Variants in PRKAG2 observed in about 807,000 individuals in gnomAD.
PRKAG2 encodes protein kinase AMP-activated non-catalytic subunit gamma 2.
In PRKAG2, 26 loss-of-function variants were observed where a neutral mutation model predicts 69.6. That is an observed-to-expected ratio of 0.37 (90% CI 0.27 to 0.52). The LOEUF (loss-of-function observed/expected upper bound fraction) is 0.52, where lower values mean the gene tolerates loss of function less well. Among genes scored for constraint, PRKAG2 ranks in the 20% least tolerant of loss-of-function variants. The pLI, the probability that PRKAG2 is intolerant of heterozygous loss-of-function variation, is 0.90. For synonymous variants in PRKAG2, 293 were observed against 285.0 expected, an observed-to-expected ratio of 1.03 and a Z score of -0.28; for missense variants, 557 against 740.0, an observed-to-expected ratio of 0.75 and a Z score of 2.87.
At chr7:151,642,476 C>T (rs1826904290) in intron 4 of PRKAG2, among the ~76,000 whole-genome samples, 1 of 152,178 alleles carries the variant, frequency 6.6e-6, no homozygotes, top group South Asian at 2.1e-4. Flanking sequence ...CTGCAGTGAG[C>T]TGTGATCACA....
At chr7:151,786,334 C>T (rs535541341) in intron 2 of PRKAG2, 136 bp downstream of exon 2, 102 of 854,706 alleles carry the variant, frequency 1.2e-4, no homozygotes, top group East Asian at 6.4e-4. Flanking sequence ...AGGATGGGCT[C>T]GGTTACGGCC....
intron 15 of PRKAG2, chr7:151,559,235 T>C (rs557812771): frequency 1.0e-6 from 1 of 975,424 alleles, no homozygotes; most frequent in Admixed American, 6.1e-5. Flanking sequence ...TACTGTTCGT[T>C]TTCAATCCTG....
At chr7:151,772,980 T>TGAAAGAAAGAAAGAAA in intron 3 of PRKAG2, among the ~76,000 whole-genome samples, 2 of 108,724 alleles carry the variant, frequency 1.8e-5, no homozygotes, top group South Asian at 3.5e-4. Context: ...TGTCTCTAAA[T>TGAAAGAAAGAAAGAAA]GAATGAAAGA....
chr7:151,580,933 T>A (rs1039419900), intron 6 of PRKAG2, among the ~76,000 whole-genome samples: 1 of 152,152 alleles, frequency 6.6e-6, no homozygotes, highest in African/African-American at 2.4e-5. Context: ...ATTGTACATT[T>A]AAAAATAACC....
chr7:151,663,284 CAGAGTGT>C (rs1830582884), intron 4 of PRKAG2, among the ~76,000 whole-genome samples: 9 of 152,288 alleles, frequency 5.9e-5, no homozygotes, highest in Admixed American at 5.2e-4. Context: ...AGCCCAAAAG[CAGAGTGT>C]GTAATTCTAT....
intron 5 of PRKAG2, among the ~76,000 whole-genome samples, chr7:151,615,176 C>T (rs1819800241): frequency 6.6e-6 from 1 of 152,200 alleles, no homozygotes; most frequent in South Asian, 2.1e-4. Context: ...TGGCTTCCAG[C>T]TCCACCCATG....
At chr7:151,678,161 T>C (rs1833252386) in intron 3 of PRKAG2, among the ~76,000 whole-genome samples, 1 of 152,164 alleles carries the variant, frequency 6.6e-6, no homozygotes. Context: ...ACCAAACTCA[T>C]AAAGCCTTTT....
chr7:151,841,927 T>C (rs897105960), intron 1 of PRKAG2, among the ~76,000 whole-genome samples: 1 of 147,634 alleles, frequency 6.8e-6, no homozygotes, highest in South Asian at 2.2e-4. Flanking sequence ...TAGGTAGTCA[T>C]GGTAGTGTTG....
chr7:151,806,003 A>T (rs1391590317), intron 1 of PRKAG2, among the ~76,000 whole-genome samples: 1 of 152,242 alleles, frequency 6.6e-6, no homozygotes, highest in African/African-American at 2.4e-5. Flanking sequence ...GTTCTAGACC[A>T]GCCTGGCCAA....
chr7:151,703,158 T>C (rs965303036), intron 3 of PRKAG2, among the ~76,000 whole-genome samples: 1 of 152,132 alleles, frequency 6.6e-6, no homozygotes, highest in Admixed American at 6.6e-5. Flanking sequence ...TTCAAGGCCA[T>C]GATGGCTTCT....
At chr7:151,775,847 G>A (rs776948854) in intron 3 of PRKAG2, among the ~76,000 whole-genome samples, 5 of 152,172 alleles carry the variant, frequency 3.3e-5, no homozygotes, top group Non-Finnish European at 5.9e-5. Context: ...CAGATGGGCC[G>A]ATGGCATTAC....
At chr7:151,601,019 G>A (rs1216870117) in intron 5 of PRKAG2, among the ~76,000 whole-genome samples, 1 of 152,124 alleles carries the variant, frequency 6.6e-6, no homozygotes, top group Non-Finnish European at 1.5e-5. Flanking sequence ...TTGAAGCTCT[G>A]TCCCAGGCTC....
chr7:151,662,792 A>G (rs1260820301), intron 4 of PRKAG2, among the ~76,000 whole-genome samples: 1 of 152,104 alleles, frequency 6.6e-6, no homozygotes, highest in African/African-American at 2.4e-5. Context: ...AATCCCAGCT[A>G]CTTAGGAGGC....
intron 1 of PRKAG2, among the ~76,000 whole-genome samples, chr7:151,840,367 A>C (rs1211711250): frequency 6.6e-6 from 1 of 152,154 alleles, no homozygotes; most frequent in Non-Finnish European, 1.5e-5. Flanking sequence ...AAGGGCCCTC[A>C]CCATGCACCA....
intron 1 of PRKAG2, among the ~76,000 whole-genome samples, chr7:151,789,632 G>T (rs914102346): frequency 2.0e-5 from 3 of 152,228 alleles, no homozygotes; most frequent in Admixed American, 6.5e-5. Context: ...AGACACGCCA[G>T]TGAGATCTCA....
chr7:151,764,977 A>C (rs1010201144), intron 3 of PRKAG2, among the ~76,000 whole-genome samples: 5 of 152,164 alleles, frequency 3.3e-5, no homozygotes, highest in African/African-American at 1.2e-4. Flanking sequence ...TTTCCTGGAC[A>C]TTTGCTGTGT....
intron 1 of PRKAG2, among the ~76,000 whole-genome samples, chr7:151,825,525 C>A (rs1008490955): frequency 2.0e-5 from 3 of 152,184 alleles, no homozygotes; most frequent in African/African-American, 7.2e-5. Context: ...ATGCACTGGC[C>A]GCTCCCCATG....
chr7:151,626,179 C>G (rs181414848), intron 5 of PRKAG2, among the ~76,000 whole-genome samples: 1 of 152,168 alleles, frequency 6.6e-6, no homozygotes, highest in Non-Finnish European at 1.5e-5. Context: ...AGACTGGTGA[C>G]GAGTCCCACT....
intron 6 of PRKAG2, among the ~76,000 whole-genome samples, chr7:151,589,769 A>G (rs1340207663): frequency 1.3e-5 from 2 of 152,106 alleles, no homozygotes; most frequent in African/African-American, 4.8e-5. Flanking sequence ...CCCCATCTCT[A>G]CTAAAAATAC....
Sources: gnomAD v4.1 joint callset for allele counts (sites outside exome capture counted in the v4.1 genomes callset) on GRCh38, gnomAD v4.1.1 for gene constraint, MANE v1.5 for transcripts, NCBI Gene and HGNC (gene_info 2026-07-23, HGNC 2026-07-21) for gene names.